CMTM8: variants seen among roughly 807,000 people sequenced by gnomAD.
CMTM8 encodes CKLF like MARVEL transmembrane domain containing 8.
Under a neutral mutation model 18.6 loss-of-function variants are expected in CMTM8, and 12 were observed. That is an observed-to-expected ratio of 0.65 (90% CI 0.41 to 1.05). The LOEUF (loss-of-function observed/expected upper bound fraction) is 1.05. Ranked by LOEUF, CMTM8 falls within the 50% of genes least tolerant of loss-of-function variation. The pLI, the probability that CMTM8 is intolerant of heterozygous loss-of-function variation, is 0.00. For missense variants in CMTM8, 217 were observed against 227.2 expected (o/e 0.95, Z 0.29); for synonymous variants, 87 against 90.6 (o/e 0.96, Z 0.23).
intron 1 of CMTM8, among the ~76,000 whole-genome samples, chr3:32,254,366 C>T (rs1702151084): frequency 6.6e-6 from 1 of 152,018 alleles, no homozygotes; most frequent in South Asian, 2.1e-4. Context: ...TTTACCTTTC[C>T]TTGTCATCTT....
intron 1 of CMTM8, among the ~76,000 whole-genome samples, chr3:32,256,642 G>T (rs1435832026): frequency 6.6e-6 from 1 of 152,190 alleles, no homozygotes. Context: ...TAATTATAGG[G>T]AAGTTTCTTC....
intron 1 of CMTM8, among the ~76,000 whole-genome samples, chr3:32,327,840 T>C (rs1368829234): frequency 6.6e-6 from 1 of 152,244 alleles, no homozygotes; most frequent in Non-Finnish European, 1.5e-5. Context: ...GGTGAACTTA[T>C]AATCAGTGAA....
chr3:32,278,690 C>T (rs1289102568), intron 1 of CMTM8, among the ~76,000 whole-genome samples: 1 of 152,148 alleles, frequency 6.6e-6, no homozygotes, highest in Non-Finnish European at 1.5e-5. Flanking sequence ...CTCTGTTAAC[C>T]ATCCTAATAT....
chr3:32,357,879 T>A (rs1167790965), intron 2 of CMTM8, among the ~76,000 whole-genome samples: 1 of 152,246 alleles, frequency 6.6e-6, no homozygotes, highest in African/African-American at 2.4e-5. Context: ...GAAATAAATA[T>A]GCCAGGGCGC....
At chr3:32,249,955 A>T (rs535067836) in intron 1 of CMTM8, among the ~76,000 whole-genome samples, 1 of 152,148 alleles carries the variant, frequency 6.6e-6, no homozygotes, top group African/African-American at 2.4e-5. Flanking sequence ...GAAGGCTTTG[A>T]CTAATCCAGG....
intron 1 of CMTM8, among the ~76,000 whole-genome samples, chr3:32,272,701 G>A (rs1282593218): frequency 6.6e-6 from 1 of 152,110 alleles, no homozygotes; most frequent in Non-Finnish European, 1.5e-5. Flanking sequence ...GAGAATATGT[G>A]GGGCTATAAA....
At chr3:32,249,753 A>G (rs963903017) in intron 1 of CMTM8, among the ~76,000 whole-genome samples, 6 of 152,202 alleles carry the variant, frequency 3.9e-5, no homozygotes, top group Non-Finnish European at 8.8e-5. Context: ...GTTGAGTTGT[A>G]CAAGTTCTTT....
intron 1 of CMTM8, among the ~76,000 whole-genome samples, chr3:32,337,513 A>G (rs115974447): frequency 0.015 from 2,290 of 152,236 alleles, 61 homozygotes; most frequent in African/African-American, 0.051. Context: ...TTTTTCTCTG[A>G]TTCTGGGGGA....
intron 1 of CMTM8, among the ~76,000 whole-genome samples, chr3:32,329,414 T>C (rs1320911768): frequency 6.6e-6 from 1 of 152,142 alleles, no homozygotes; most frequent in Non-Finnish European, 1.5e-5. Flanking sequence ...TTCAACGTAG[T>C]AAAAGGATTA....
chr3:32,321,780 G>A (rs1267941178), intron 1 of CMTM8, among the ~76,000 whole-genome samples: 2 of 152,040 alleles, frequency 1.3e-5, no homozygotes, highest in South Asian at 2.1e-4. Flanking sequence ...TCCATTTTTT[G>A]TAGAGACAGA....
chr3:32,355,787 T>G (rs1304161178), intron 1 of CMTM8, among the ~76,000 whole-genome samples: 1 of 152,184 alleles, frequency 6.6e-6, no homozygotes, highest in Non-Finnish European at 1.5e-5. Flanking sequence ...TACTACACAT[T>G]CTTACAGGTT....
intron 1 of CMTM8, among the ~76,000 whole-genome samples, chr3:32,292,081 A>G (rs1702788380): frequency 6.6e-6 from 1 of 152,194 alleles, no homozygotes. Flanking sequence ...TTTGAGTTTT[A>G]ACAACCTGGC....
intron 1 of CMTM8, among the ~76,000 whole-genome samples, chr3:32,295,667 A>C (rs1450012603): frequency 6.6e-6 from 1 of 151,910 alleles, no homozygotes; most frequent in African/African-American, 2.4e-5. Context: ...CCCTTCATGG[A>C]ACCTCTTCAG....
intron 1 of CMTM8, among the ~76,000 whole-genome samples, chr3:32,309,005 G>A (rs1695768309): frequency 6.6e-6 from 1 of 152,166 alleles, no homozygotes; most frequent in African/African-American, 2.4e-5. Flanking sequence ...TGAGGTTATG[G>A]CACTATGAGG....
At chr3:32,287,568 G>A (rs1023148680) in intron 1 of CMTM8, among the ~76,000 whole-genome samples, 4 of 152,094 alleles carry the variant, frequency 2.6e-5, no homozygotes, top group African/African-American at 9.7e-5. Flanking sequence ...ATGTATAATA[G>A]GAATTACAAG....
intron 2 of CMTM8, among the ~76,000 whole-genome samples, chr3:32,364,275 C>T (rs536030992): frequency 3.3e-5 from 5 of 152,240 alleles, no homozygotes; most frequent in East Asian, 1.9e-4. Flanking sequence ...GAGGCTGAGG[C>T]GGGTGGATCA....
In CMTM8 at chr3:32,276,689, A is replaced by G. The variant is rs150850481; in HGVS notation, c.147+37570A>G. 6.1e-3 allele frequency among the ~76,000 whole-genome samples: 922 copies of G among 152,226 alleles called. 3 individuals carry two copies. The highest frequency in any genetic ancestry group is 7.7e-3 in the Non-Finnish European group (522 of 68,020). On this transcript the variant is annotated intron_variant, in intron 1 of 3. Transcript: ENST00000307526. Reference sequence around the variant, plus strand: ...TGTTTTCTTGTAACCCGTGTCGTCAATGGTTCCCACAAAATGAGCTTTGGA... The same window carrying G: ...TGTTTTCTTGTAACCCGTGTCGTCAGTGGTTCCCACAAAATGAGCTTTGGA...
intron 1 of CMTM8, among the ~76,000 whole-genome samples, chr3:32,341,167 A>G (rs574627780): frequency 6.6e-6 from 1 of 152,346 alleles, no homozygotes; most frequent in South Asian, 2.1e-4. Context: ...CAGCCTGAAG[A>G]TGGCACTACC....
chr3:32,274,374 G>C (rs1031256994), intron 1 of CMTM8, among the ~76,000 whole-genome samples: 3 of 152,108 alleles, frequency 2.0e-5, no homozygotes, highest in Non-Finnish European at 4.4e-5. Context: ...CACAGTGCTA[G>C]AAATTGAAGT....
Sources: allele counts gnomAD v4.1 joint callset (sites outside exome capture counted in the v4.1 genomes callset), GRCh38; gene constraint gnomAD v4.1.1; transcripts MANE v1.5; gene names NCBI Gene and HGNC (gene_info 2026-07-23, HGNC 2026-07-21).